UNC13C: variants seen among roughly 807,000 people sequenced by gnomAD.
UNC13C encodes unc-13 homolog C.
In UNC13C, 174 loss-of-function variants were observed where a neutral mutation model predicts 245.4. The ratio of observed to expected loss-of-function variants is 0.71; its 90% CI spans 0.63 to 0.80. The LOEUF (loss-of-function observed/expected upper bound fraction) is 0.80, where lower values mean the gene tolerates loss of function less well. Among genes scored for constraint, UNC13C ranks in the 30% least tolerant of loss-of-function variants. The pLI is 0.00. For synonymous variants in UNC13C, 992 were observed against 895.1 expected, an observed-to-expected ratio of 1.11 and a Z score of -1.93; for missense variants, 2,829 against 2,602.9, an observed-to-expected ratio of 1.09 and a Z score of -1.89.
At position 54,243,709 on chromosome 15, in the gene UNC13C, G is replaced by A. The variant is rs192266690; in HGVS notation, c.3228+6019G>A. Among the ~76,000 whole-genome samples, 351 of 152,154 alleles carry A rather than the reference G, an allele frequency of 2.3e-3. 2 individuals are homozygous for A. The highest frequency in any genetic ancestry group is 8.2e-3 in the African/African-American group (339 of 41,504). On this transcript the variant is annotated intron_variant, in intron 7 of 32. Coordinates refer to ENST00000260323, the MANE Select transcript of UNC13C (RefSeq NM_001080534.3). ...AAGCATCTAATTGTGGTTTTGATTT[G>A]CATTTCTCTAATGATCAGTGATGTT...
At chr15:54,351,036 T>G (rs922344661) in intron 17 of UNC13C, among the ~76,000 whole-genome samples, 3 of 152,210 alleles carry the variant, frequency 2.0e-5, no homozygotes, top group Non-Finnish European at 4.4e-5. Context: ...CCCAGGAAAT[T>G]GATGAGTCTT....
intron 19 of UNC13C, among the ~76,000 whole-genome samples, chr15:54,426,116 T>A (rs1260406098): frequency 6.6e-6 from 1 of 151,740 alleles, no homozygotes; most frequent in Non-Finnish European, 1.5e-5. Context: ...ATCTTTTGTC[T>A]TAAGGTCAGC....
intron 19 of UNC13C, among the ~76,000 whole-genome samples, chr15:54,418,456 C>A (rs1341340607): frequency 6.6e-6 from 1 of 152,122 alleles, no homozygotes; most frequent in Admixed American, 6.5e-5. Context: ...GTTCTAGGCT[C>A]ACCTTCCACT....
the UNC13C span, among the ~76,000 whole-genome samples, chr15:53,957,794 C>A: frequency 6.6e-6 from 1 of 152,164 alleles, no homozygotes; most frequent in South Asian, 2.1e-4. Context: ...ATTGAACTTT[C>A]AGTAGATGCT....
chr15:54,448,221 G>T (rs868492492), intron 19 of UNC13C, among the ~76,000 whole-genome samples: 2 of 152,114 alleles, frequency 1.3e-5, no homozygotes, highest in South Asian at 4.1e-4. Flanking sequence ...GAATAAGTGC[G>T]GTGTGGTGCT....
intron 24 of UNC13C, among the ~76,000 whole-genome samples, chr15:54,522,477 C>T (rs1225801559): frequency 6.6e-6 from 1 of 150,566 alleles, no homozygotes; most frequent in African/African-American, 2.5e-5. Context: ...GATTCTGTCT[C>T]AAAAACAAAA....
the UNC13C span, among the ~76,000 whole-genome samples, chr15:53,845,039 T>C: frequency 6.6e-6 from 1 of 152,076 alleles, no homozygotes; most frequent in East Asian, 1.9e-4. Context: ...ATATTAAAAA[T>C]TGAAGGCGGG....
intron 13 of UNC13C, among the ~76,000 whole-genome samples, chr15:54,301,073 C>T (rs888037742): frequency 6.6e-6 from 1 of 151,970 alleles, no homozygotes; most frequent in Non-Finnish European, 1.5e-5. Flanking sequence ...CCCATAGTTT[C>T]CTTTTTGAGA....
At position 54,507,135 on chromosome 15, in the gene UNC13C, C is replaced by T; in HGVS notation, c.5320C>T (p.Leu1774Phe). 6.3e-7 allele frequency: 1 copy of T among 1,598,424 alleles called. No homozygotes were observed. The highest frequency in any genetic ancestry group is 8.5e-7 in the Non-Finnish European group (1 of 1,171,292). ...RFAKTINKVL[L>F]QYAAIVSSDF... is the part of the protein sequence containing the mutation. ...TTCTTAGACTATCAATAAAGTGCTG[C>T]TCCAGTATGCTGCAATTGTATCAAG... The change falls in exon 23 of 33, where the codon CTC (leucine) becomes TTC (phenylalanine). Residue 1774 changes from leucine (L) to phenylalanine (F), a missense_variant. Transcript: ENST00000260323.
chr15:54,612,203 G>C (rs1413062137), intron 30 of UNC13C, among the ~76,000 whole-genome samples: 3 of 151,874 alleles, frequency 2.0e-5, no homozygotes, highest in Non-Finnish European at 4.4e-5. Flanking sequence ...TAGTGGACTC[G>C]AGTAGTTATA....
chr15:54,129,000 A>C (rs916518432), intron 2 of UNC13C, among the ~76,000 whole-genome samples: 1 of 152,210 alleles, frequency 6.6e-6, no homozygotes, highest in Non-Finnish European at 1.5e-5. Flanking sequence ...AGAAAGGGGC[A>C]CATCACTGCT....
chr15:54,186,287 C>T (rs1001303872), intron 4 of UNC13C, among the ~76,000 whole-genome samples: 2 of 152,128 alleles, frequency 1.3e-5, no homozygotes, highest in African/African-American at 4.8e-5. Context: ...ATTTCCCTGG[C>T]CAGAACTTCC....
intron 2 of UNC13C, among the ~76,000 whole-genome samples, chr15:54,038,124 A>ATATTTT: frequency 1.6e-4 from 7 of 45,024 alleles, no homozygotes; most frequent in Admixed American, 5.0e-4. Context: ...ATATATATAT[A>ATATTTT]TTTTTTTTTT....
At chr15:54,435,610 C>T (rs962697086) in intron 19 of UNC13C, among the ~76,000 whole-genome samples, 2 of 151,628 alleles carry the variant, frequency 1.3e-5, no homozygotes, top group Non-Finnish European at 2.9e-5. Flanking sequence ...GGAGGGGTAA[C>T]ATTAGTAGAA....
intron 4 of UNC13C, among the ~76,000 whole-genome samples, chr15:54,160,187 A>G (rs766882327): frequency 6.6e-6 from 1 of 151,926 alleles, no homozygotes; most frequent in Non-Finnish European, 1.5e-5. Flanking sequence ...TGCTTGGGAA[A>G]AATATGAAAC....
At chr15:54,579,172 A>G (rs1169300544) in intron 30 of UNC13C, among the ~76,000 whole-genome samples, 2 of 152,194 alleles carry the variant, frequency 1.3e-5, no homozygotes, top group Non-Finnish European at 2.9e-5. Context: ...GTTAGGATAT[A>G]AAATTTCTTC....
At chr15:54,251,590 T>C (rs2036154262) in intron 8 of UNC13C, among the ~76,000 whole-genome samples, 6 of 152,242 alleles carry the variant, frequency 3.9e-5, no homozygotes, top group Admixed American at 3.3e-4. Context: ...ATGCATCACA[T>C]TGTAAAATAC....
At chr15:53,848,312 G>C in the UNC13C span, among the ~76,000 whole-genome samples, 1 of 151,714 alleles carries the variant, frequency 6.6e-6, no homozygotes, top group African/African-American at 2.4e-5. Flanking sequence ...CTATAGCTTC[G>C]CCCTCACAAA....
At chr15:53,988,720 G>C (rs953904248) in intron 1 of UNC13C, among the ~76,000 whole-genome samples, 2 of 151,880 alleles carry the variant, frequency 1.3e-5, no homozygotes, top group Non-Finnish European at 2.9e-5. Flanking sequence ...TCATGAAGTG[G>C]ACATCAAAGA....
Sources: gnomAD v4.1 joint callset for allele counts (sites outside exome capture counted in the v4.1 genomes callset) on GRCh38, gnomAD v4.1.1 for gene constraint, MANE v1.5 for transcripts, NCBI Gene and HGNC (gene_info 2026-07-23, HGNC 2026-07-21) for gene names.